The following ZNG1A variants were observed in gnomAD, a reference collection of about 807,000 sequenced individuals.
ZNG1A encodes Zn regulated GTPase metalloprotein activator 1A, also known as zinc-regulated GTPase metalloprotein activator 1A.
At chr9:175,821 A>C in the ZNG1A span, 1 of 619,440 alleles carries the variant, frequency 1.6e-6, no homozygotes. Context: ...AAAAATTCAA[A>C]ATAATTTTAA....
the ZNG1A span, among the ~76,000 whole-genome samples, chr9:168,757 T>C: frequency 4.7e-5 from 7 of 148,370 alleles, no homozygotes; most frequent in South Asian, 2.1e-4. Context: ...CCATTAAGAA[T>C]TATGCTAAAT....
the ZNG1A span, among the ~76,000 whole-genome samples, chr9:126,686 TTGTTG>T: frequency 6.6e-6 from 1 of 152,078 alleles, no homozygotes; most frequent in Non-Finnish European, 1.5e-5. Context: ...TGGATTTTTT[TTGTTG>T]TTTTGTTTCA....
chr9:128,075 T>A, the ZNG1A span, among the ~76,000 whole-genome samples: 1 of 152,146 alleles, frequency 6.6e-6, no homozygotes, highest in Non-Finnish European at 1.5e-5. Context: ...TCTGGTAAGT[T>A]TTCCTTTACA....
At chr9:174,011 G>A in the ZNG1A span, among the ~76,000 whole-genome samples, 1 of 151,970 alleles carries the variant, frequency 6.6e-6, no homozygotes. Context: ...GCCAGGTGTG[G>A]TAGCGGGTGC....
At chr9:162,711 T>C in the ZNG1A span, among the ~76,000 whole-genome samples, 1 of 150,938 alleles carries the variant, frequency 6.6e-6, no homozygotes, top group Non-Finnish European at 1.5e-5. Flanking sequence ...ATAAAACAAA[T>C]AAAAATTTTA....
At chr9:135,546 A>G in the ZNG1A span, among the ~76,000 whole-genome samples, 1 of 79,944 alleles carries the variant, frequency 1.3e-5, no homozygotes, top group East Asian at 3.9e-4. Context: ...TCAGTTACCA[A>G]TTGAGAGAAA....
the ZNG1A span, chr9:146,153 T>G: frequency 6.4e-7 from 1 of 1,568,882 alleles, no homozygotes; most frequent in Non-Finnish European, 8.6e-7. Flanking sequence ...ATTAGAGAGA[T>G]CAACTCTAAA....
At chr9:172,199 A>G in the ZNG1A span, 4 of 1,608,848 alleles carry the variant, frequency 2.5e-6, no homozygotes, top group Non-Finnish European at 2.5e-6. Context: ...CATAATTTAC[A>G]GTTAATTACC....
At chr9:144,547 A>G in the ZNG1A span, among the ~76,000 whole-genome samples, 1 of 152,078 alleles carries the variant, frequency 6.6e-6, no homozygotes. Context: ...AAATCAATTC[A>G]ACATGGATTA....
At chr9:154,420 A>G in the ZNG1A span, 3 of 488,592 alleles carry the variant, frequency 6.1e-6, no homozygotes, top group Admixed American at 3.8e-5. Context: ...GTTAGGGAAG[A>G]CTGACATTAG....
chr9:151,771 A>T, the ZNG1A span: 1 of 370,810 alleles, frequency 2.7e-6, no homozygotes, highest in East Asian at 5.5e-5. Flanking sequence ...AGTGTTTGGA[A>T]GTCTTTTCTT....
the ZNG1A span, chr9:171,888 A>C: frequency 1.4e-6 from 1 of 699,430 alleles, no homozygotes; most frequent in Non-Finnish European, 2.4e-6. Flanking sequence ...TAAAAGTACC[A>C]AGAAATACTC....
chr9:129,619 C>G, the ZNG1A span, among the ~76,000 whole-genome samples: 1 of 149,792 alleles, frequency 6.7e-6, no homozygotes, highest in East Asian at 2.0e-4. Context: ...AACAGTGAAA[C>G]TCATCAAATC....
the ZNG1A span, among the ~76,000 whole-genome samples, chr9:170,374 T>TGC: frequency 5.2e-5 from 7 of 133,760 alleles, no homozygotes; most frequent in Admixed American, 1.4e-4. Context: ...TGTGTGTGTG[T>TGC]GTGCGCATGT....
chr9:166,615 A>T, the ZNG1A span: 1 of 152,664 alleles, frequency 6.6e-6, no homozygotes, highest in East Asian at 1.9e-4. Flanking sequence ...CATCATAATG[A>T]AGAACTTGAA....
chr9:167,035 G>T, the ZNG1A span: 1 of 151,754 alleles, frequency 6.6e-6, no homozygotes, highest in Non-Finnish European at 1.5e-5. Context: ...GTGACACTTA[G>T]ATATACCTTG....
chr9:139,532 TA>T, the ZNG1A span, among the ~76,000 whole-genome samples: 5 of 148,580 alleles, frequency 3.4e-5, no homozygotes, highest in African/African-American at 1.0e-4. Context: ...CTTACTACAA[TA>T]AAAAAAAGAA....
At chr9:149,955 T>C in the ZNG1A span, among the ~76,000 whole-genome samples, 1 of 149,142 alleles carries the variant, frequency 6.7e-6, no homozygotes. Context: ...CTATTCCTTT[T>C]CCTTACTCTT....
At chr9:139,486 A>G in the ZNG1A span, among the ~76,000 whole-genome samples, 1 of 151,350 alleles carries the variant, frequency 6.6e-6, no homozygotes, top group African/African-American at 2.4e-5. Flanking sequence ...GTACACTTAA[A>G]AAATTGTTAA....
Sources: allele counts gnomAD v4.1 joint callset (sites outside exome capture counted in the v4.1 genomes callset), GRCh38; gene constraint gnomAD v4.1.1; transcripts MANE v1.5; gene names NCBI Gene and HGNC (gene_info 2026-07-23, HGNC 2026-07-21).